Variants in SLC38A7 observed in about 807,000 individuals in gnomAD.
The protein encoded by SLC38A7 is solute carrier family 38 member 7.
Under a neutral mutation model 50.1 loss-of-function variants are expected in SLC38A7, and 29 were observed. The observed-to-expected ratio is 0.58, with a 90% confidence interval of 0.43 to 0.79. SLC38A7 has a LOEUF of 0.79. Ranked by LOEUF, SLC38A7 falls within the 30% of genes least tolerant of loss-of-function variation. The pLI is 0.00. For synonymous variants in SLC38A7, 244 were observed against 245.9 expected (o/e 0.99, Z 0.07); for missense variants, 483 against 610.6 (o/e 0.79, Z 2.20).
Position 58,680,243 on chromosome 16 carries a change from T to A in SLC38A7, c.-115-2A>T. 8.4e-7 allele frequency: 1 copy of A among 1,186,488 alleles called. No homozygotes were observed. Among genetic ancestry groups the A allele is most frequent in the Non-Finnish European group, 1.1e-6 (1 of 899,522 alleles). 73.5% of individuals were successfully genotyped at this position (1,186,488 alleles called of 1,614,324 possible). Reference sequence around the variant, plus strand: ...TGTTAGCTTAGGACTCTTCTCAACCTAGATGGGACAAAGGCAGGCACTACT... The same window carrying A: ...TGTTAGCTTAGGACTCTTCTCAACCAAGATGGGACAAAGGCAGGCACTACT... On this transcript the variant is annotated splice_acceptor_variant, in intron 2 of 11. Transcript: ENST00000219320. LOFTEE classifies it low-confidence loss of function (5UTR_SPLICE).
Position 58,666,187 on chromosome 16 carries a change from T to G in SLC38A7, c.*1198A>C, listed in dbSNP as rs1378551005. ...TTTAAGCGGCTCTGCTGCCTCAGCC[T>G]CCCAAGTAGCTGGGATTACAGGTGC... On this transcript the variant is annotated 3_prime_UTR_variant, in exon 12 of 12. Transcript: ENST00000219320. 1 of 152,370 alleles carries G rather than the reference T, an allele frequency of 6.6e-6. No individual in the cohort carries two copies. Among genetic ancestry groups the G allele is most frequent in the Non-Finnish European group, 1.5e-5 (1 of 68,172 alleles). The allele number at this position is 152,370 out of a possible 1,614,324, so 9.4% of individuals were successfully genotyped here.
intron 2 of SLC38A7, among the ~76,000 whole-genome samples, chr16:58,680,789 T>C (rs886631889): frequency 2.0e-5 from 3 of 152,210 alleles, no homozygotes; most frequent in Admixed American, 6.5e-5. Flanking sequence ...TCGAGGCCCT[T>C]CGAAATTCAG....
Position 58,678,205 on chromosome 16 carries a change from G to T in SLC38A7, c.611+128C>A. 3 of 1,124,216 alleles carry T rather than the reference G, an allele frequency of 2.7e-6. No homozygotes were observed. Among genetic ancestry groups the T allele is most frequent in the East Asian group, 2.6e-5 (1 of 39,200 alleles). The allele number at this position is 1,124,216 out of a possible 1,614,324, so 69.6% of individuals were successfully genotyped here. A position where few individuals can be genotyped will look rare whatever the true frequency, so the allele number is the denominator to read the frequency against. ...TCTGAAACCCTGCAAGCCCCGGTCT[G>T]CCCTGCCTTGCCTACTCTTGCTCCC... On this transcript the variant is annotated intron_variant, in intron 5 of 11. Transcript: ENST00000219320. This position sits in a 1 kb window ranked among gnomAD's most constrained non-coding sequence, Gnocchi z 4.0.
chr16:58,673,321 T>C (rs2044194491), intron 8 of SLC38A7, among the ~76,000 whole-genome samples: 1 of 151,236 alleles, frequency 6.6e-6, no homozygotes, highest in Non-Finnish European at 1.5e-5. Flanking sequence ...CTGCCACCTC[T>C]GCCTTCTGGT....
rs1597677645 is a variant in SLC38A7, at chr16:58,678,944, G to A, written c.271-50C>T. ...CTTGTGGCAAAGGCCTGGCAGCAGA[G>A]GGCACCCTGGGCTCGCCTAGCATTT... On this transcript the variant is annotated intron_variant, in intron 3 of 11. Transcript: ENST00000219320. This position sits in a 1 kb window ranked among gnomAD's most constrained non-coding sequence, Gnocchi z 4.0. The A allele has an allele frequency of 1.3e-6, 2 of 1,576,128 alleles. No individual in the cohort carries two copies. Among genetic ancestry groups the A allele is most frequent in the Non-Finnish European group, 1.7e-6 (2 of 1,158,796 alleles).
Position 58,678,976 on chromosome 16 carries a change from C to G in SLC38A7, c.271-82G>C. On this transcript the variant is annotated intron_variant, in intron 3 of 11. Transcript: ENST00000219320. This position sits in a 1 kb window ranked among gnomAD's most constrained non-coding sequence, Gnocchi z 4.0. Reference sequence around the variant, plus strand: ...CTGGGCTCGCCTAGCATTTACTGGGCCAGTGCCCAAAGCAAGCTTGGCAAA... The same window carrying G: ...CTGGGCTCGCCTAGCATTTACTGGGGCAGTGCCCAAAGCAAGCTTGGCAAA... The G allele has an allele frequency of 7.2e-7, 1 of 1,395,230 alleles. No homozygotes were observed. The highest frequency in any genetic ancestry group is 9.9e-7 in the Non-Finnish European group (1 of 1,010,736). 86.4% of individuals were successfully genotyped at this position (1,395,230 alleles called of 1,614,324 possible).
At chr16:58,670,836 C>T (rs747131119) in intron 10 of SLC38A7, among the ~76,000 whole-genome samples, 8 of 152,196 alleles carry the variant, frequency 5.3e-5, no homozygotes, top group African/African-American at 7.2e-5. Context: ...CTGAGCCCCA[C>T]GTGCCATCAG....
In SLC38A7 at chr16:58,672,148, A is replaced by G. The variant is rs1379908114; in HGVS notation, c.979T>C (p.Phe327Leu). Residue 327 changes from phenylalanine to leucine, a missense_variant, in exon 9 of 12, where the codon TTC (phenylalanine) becomes CTC (leucine). By Grantham distance (22) the Phe-to-Leu change is conservative. Transcript: ENST00000219320. ...EDMAVAVARA[F>L]IILSVLTSYP... ...GAGGTGAGCACGCTCAGGATGATGA[A>G]GGCTCGGGCAACGGCCACGGCCATG... 2 of 1,563,490 alleles carry G rather than the reference A, an allele frequency of 1.3e-6. No homozygotes were observed. Among genetic ancestry groups the G allele is most frequent in the Non-Finnish European group, 1.7e-6 (2 of 1,154,006 alleles).
At chr16:58,670,230 C>T in intron 10 of SLC38A7, 63 bp from the exon 11 acceptor site, 1 of 1,515,466 alleles carries the variant, frequency 6.6e-7, no homozygotes, top group Non-Finnish European at 9.1e-7. Context: ...CTCCTAGCCA[C>T]CTCCTTTCCC....
chr16:58,673,235 C>G (rs1368136044), intron 8 of SLC38A7, among the ~76,000 whole-genome samples: 1 of 122,186 alleles, frequency 8.2e-6, no homozygotes, highest in African/African-American at 4.1e-5. Flanking sequence ...CCACACCTGG[C>G]TAATTTTTTT....
chr16:58,673,084 T>A (rs2044188802), intron 8 of SLC38A7, among the ~76,000 whole-genome samples: 1 of 23,508 alleles, frequency 4.3e-5, no homozygotes, highest in African/African-American at 2.0e-4. Context: ...GCCCGGCTAA[T>A]TTTTTTTTTT....
At chr16:58,675,742 CT>C (rs1200489807) in intron 8 of SLC38A7, among the ~76,000 whole-genome samples, 197 bp downstream of exon 8, 7 of 152,184 alleles carry the variant, frequency 4.6e-5, no homozygotes, top group African/African-American at 1.7e-4. Context: ...CAAGTTAGAA[CT>C]GGTGAATGAA....
Position 58,678,639 on chromosome 16 carries a change from CCA to C in SLC38A7, c.469+55_469+56del. 6.3e-7 allele frequency: 1 copy of C among 1,597,878 alleles called. No individual in the cohort carries two copies. Among genetic ancestry groups the C allele is most frequent in the Non-Finnish European group, 8.5e-7 (1 of 1,169,926 alleles). ...GTGTTCAGTGCCTTTTCCCTCCACCCCAGGATCCCTGGGGCTGATAAGAAGAG... is the reference window on the plus strand; with the variant it reads ...GTGTTCAGTGCCTTTTCCCTCCACCCGGATCCCTGGGGCTGATAAGAAGAG... On this transcript the variant is annotated intron_variant, in intron 4 of 11. Coordinates refer to ENST00000219320, the MANE Select transcript of SLC38A7 (RefSeq NM_018231.3). The surrounding 1 kb of genome is among the most constrained non-coding windows in gnomAD (Gnocchi z 4.0).
Position 58,680,172 on chromosome 16 carries a change from C to T in SLC38A7, c.-46G>A. On this transcript the variant is annotated 5_prime_UTR_variant, in exon 3 of 12. Transcript: ENST00000219320. Reference sequence around the variant, plus strand: ...TGCAAGGTCTGTGGGTTCTGCCTTACAACCACATGCCTCAGGGAGCTGAGC... The same window carrying T: ...TGCAAGGTCTGTGGGTTCTGCCTTATAACCACATGCCTCAGGGAGCTGAGC... The T allele has an allele frequency of 6.7e-7, 1 of 1,498,362 alleles. No homozygotes were observed. Among genetic ancestry groups the T allele is most frequent in the Non-Finnish European group, 8.9e-7 (1 of 1,124,366 alleles). 92.8% of individuals were successfully genotyped at this position (1,498,362 alleles called of 1,614,324 possible).
Position 58,672,138 on chromosome 16 carries a change from A to G in SLC38A7, c.989T>C (p.Leu330Pro), listed in dbSNP as rs1451799989. The G allele has an allele frequency of 1.3e-6, 2 of 1,562,132 alleles. No homozygotes were observed. The highest frequency in any genetic ancestry group is 8.7e-7 in the Non-Finnish European group (1 of 1,153,218). The stretch of plus-strand genomic sequence containing the variant: ...GATAGGGTAGGAGGTGAGCACGCTC[A>G]GGATGATGAAGGCTCGGGCAACGGC... ...AVAVARAFIILSVLTSYPILH... is the reference protein window; with the variant it reads ...AVAVARAFIIPSVLTSYPILH... The change falls in exon 9 of 12, where the codon CTG becomes CCG. Residue 330 changes from leucine to proline, a missense_variant. Transcript: ENST00000219320.
intron 11 of SLC38A7, 26 bp downstream of exon 11, chr16:58,670,087 G>C: frequency 6.2e-7 from 1 of 1,613,008 alleles, no homozygotes; most frequent in African/African-American, 1.3e-5. Flanking sequence ...CTCCCTGAGA[G>C]GATCAAGGGC....
chr16:58,677,567 G>GGCGTTT, intron 5 of SLC38A7, 143 bp from the exon 6 acceptor site: 1 of 682,898 alleles, frequency 1.5e-6, no homozygotes, highest in Non-Finnish European at 2.6e-6. Context: ...CTCAGGAAAC[G>GGCGTTT]CCTGAGAAGT....
chr16:58,671,431 C>T lies in SLC38A7; in HGVS notation c.1032-187G>A, dbSNP rs141821375. The stretch of plus-strand genomic sequence containing the variant: ...CACAGGGACTAGAGACGGTGAATGT[C>T]GAGAGCTTAGCACTTTGCTTTACAT... On this transcript the variant is annotated intron_variant, in intron 9 of 11. Transcript: ENST00000219320. 7.2e-3 allele frequency: 4,403 copies of T among 611,584 alleles called. 21 individuals carry two copies. Among genetic ancestry groups the T allele is most frequent in the Non-Finnish European group, 0.01 (3,549 of 346,938 alleles). 37.9% of individuals were successfully genotyped at this position (611,584 alleles called of 1,614,324 possible).
chr16:58,678,440 G>T lies in SLC38A7; in HGVS notation c.504C>A (p.Ala168=), dbSNP rs1334619165. 1 of 1,572,612 alleles carries T rather than the reference G, an allele frequency of 6.4e-7. No individual in the cohort carries two copies. Among genetic ancestry groups the T allele is most frequent in the Non-Finnish European group, 8.6e-7 (1 of 1,160,124 alleles). The change falls in exon 5 of 12, where the codon GCC becomes GCA. Residue 168 remains alanine (A), a synonymous_variant. Coordinates refer to ENST00000219320, the MANE Select transcript of SLC38A7 (RefSeq NM_018231.3). The surrounding 1 kb of genome is among the most constrained non-coding windows in gnomAD (Gnocchi z 4.0). The part of the protein sequence containing the change: ...IAVMAKEPEG[A]SGPWYTDRKF... ...TGCGGTCTGTGTACCAAGGGCCGCT[G>T]GCCCCCTCCGGCTCTTTCGCCATCA...
Sources: allele counts gnomAD v4.1 joint callset (sites outside exome capture counted in the v4.1 genomes callset), GRCh38; gene constraint gnomAD v4.1.1; non-coding constraint Gnocchi (gnomAD v3.1); transcripts MANE v1.5; gene names NCBI Gene and HGNC (gene_info 2026-07-23, HGNC 2026-07-21).